The following KPTN variants were observed in gnomAD, a reference collection of about 807,000 sequenced individuals.
KPTN encodes the protein kaptin, actin binding protein, also known as KICSTOR complex protein kaptin.
A neutral mutation model predicts 52.6 loss-of-function variants in KPTN; 36 were observed. That is an observed-to-expected ratio of 0.68 (90% CI 0.52 to 0.90). The LOEUF is 0.90. Ranked by LOEUF, KPTN falls within the 40% of genes least tolerant of loss-of-function variation. KPTN has a pLI of 0.00. For synonymous variants in KPTN, 271 were observed against 248.4 expected, an observed-to-expected ratio of 1.09 and a Z score of -0.85; for missense variants, 529 against 576.2, an observed-to-expected ratio of 0.92 and a Z score of 0.84.
intron 8 of KPTN, 137 bp downstream of exon 8, chr19:47,479,726 G>A (rs757366752): frequency 7.6e-5 from 51 of 670,310 alleles, no homozygotes; most frequent in Admixed American, 1.1e-4. Context: ...GCCTGGAGTG[G>A]GGGATCCAGG....
intron 7 of KPTN, 31 bp from the exon 8 acceptor site, chr19:47,479,971 AC>A: frequency 6.4e-7 from 1 of 1,574,642 alleles, no homozygotes; most frequent in South Asian, 1.1e-5. Context: ...CAGAGCCCCA[AC>A]CCCACCCCGG....
Position 47,475,463 on chromosome 19 carries a change from A to G in KPTN, c.1264T>C (p.Leu422=). ...VEQRRRRLQG[L]EDGAGAGPAE... is the part of the protein sequence containing the mutation. Reference sequence around the variant, plus strand: ...GGCCCTGCACCTGCCCCGTCCTCCAACCCCTGTAGCCGACGTCTCCTCTGC... The same window carrying G: ...GGCCCTGCACCTGCCCCGTCCTCCAGCCCCTGTAGCCGACGTCTCCTCTGC... The change falls in exon 12 of 12, where the codon TTG becomes CTG. Residue 422 remains leucine (L), a synonymous_variant. Transcript: ENST00000338134. 6.2e-7 allele frequency: 1 copy of G among 1,613,424 alleles called. No homozygotes were observed. The highest frequency in any genetic ancestry group is 8.5e-7 in the Non-Finnish European group (1 of 1,179,566).
chr19:47,483,733 A>C (rs1342983747), intron 1 of KPTN, 149 bp from the exon 2 acceptor site: 1 of 900,662 alleles, frequency 1.1e-6, no homozygotes, highest in Non-Finnish European at 1.7e-6. Context: ...GGTACTAGGG[A>C]TCCTGACCTG....
At chr19:47,480,229 C>T (rs1967825789) in intron 7 of KPTN, 69 bp downstream of exon 7, 1 of 908,466 alleles carries the variant, frequency 1.1e-6, no homozygotes, top group East Asian at 2.9e-5. Flanking sequence ...CTCCAGCCCT[C>T]AGCCCCACCC....
chr19:47,481,407 C>T (rs1489067628), intron 4 of KPTN, among the ~76,000 whole-genome samples: 1 of 152,184 alleles, frequency 6.6e-6, no homozygotes, highest in Non-Finnish European at 1.5e-5. Context: ...GCTAGGACCT[C>T]TTCATTCTGA....
Position 47,476,922 on chromosome 19 carries a change from C to G in KPTN, c.880G>C (p.Gly294Arg). Residue 294 changes from glycine (G) to arginine (R), a missense_variant, in exon 10 of 12, where the codon GGT (glycine) becomes CGT (arginine). Transcript: ENST00000338134. ...GGCAGGAGAAGCTGGTCTTCAAGAC[C>G]CCGGTTCAGCAGGTCCCTGAGGGTC... is the stretch of plus-strand genomic sequence containing the variant. ...AVVYRDLLNR[G>R]LEDQLLLPGS... 6.4e-7 allele frequency: 1 copy of G among 1,557,384 alleles called. No homozygotes were observed.
At chr19:47,476,981 A>G in intron 9 of KPTN, 43 bp from the exon 10 acceptor site, 1 of 1,542,478 alleles carries the variant, frequency 6.5e-7, no homozygotes, top group Non-Finnish European at 8.8e-7. Context: ...GTCAGCTTGC[A>G]GTGCCCAGCA....
At position 47,480,862 on chromosome 19, in the gene KPTN, C is replaced by G. The variant is rs199781618; in HGVS notation, c.526-29G>C. 144 of 1,613,680 alleles carry G rather than the reference C, an allele frequency of 8.9e-5. No individual in the cohort carries two copies. The East Asian group carries it at 3.0e-3, about 34-fold the overall frequency. On this transcript the variant is annotated intron_variant, in intron 5 of 11. Coordinates refer to ENST00000338134, the MANE Select transcript of KPTN (RefSeq NM_007059.4). ...GGGAAACCAAGACCCACCCCACCCC[C>G]GCTTAAGTCAGCCGTCAGCTTCACA...
chr19:47,480,885 A>G (rs1431940856), intron 5 of KPTN, 52 bp from the exon 6 acceptor site: 1 of 1,611,606 alleles, frequency 6.2e-7, no homozygotes, highest in Non-Finnish European at 8.5e-7. Flanking sequence ...CGTCAGCTTC[A>G]CACATATACC....
At chr19:47,484,434 G>A (rs144786908), upstream of KPTN, 1,243 of 531,820 alleles carry the variant, frequency 2.3e-3, 18 homozygotes, top group African/African-American at 0.022. Context: ...GATGGGAGGT[G>A]GTGGCCACGG....
intron 8 of KPTN, 121 bp downstream of exon 8, chr19:47,479,742 G>C: frequency 1.4e-6 from 1 of 727,154 alleles, no homozygotes. Flanking sequence ...CCAGGAGAGA[G>C]GGACTGGGGT....
chr19:47,478,809 T>A (rs964382349), intron 8 of KPTN, among the ~76,000 whole-genome samples: 1 of 152,066 alleles, frequency 6.6e-6, no homozygotes, highest in Non-Finnish European at 1.5e-5. Context: ...AACCAAAAAA[T>A]GTATGTTCTC....
At chr19:47,478,567 TAAAAA>T (rs757744803) in intron 8 of KPTN, among the ~76,000 whole-genome samples, 5 of 66,234 alleles carry the variant, frequency 7.5e-5, no homozygotes, top group African/African-American at 1.5e-4. Context: ...AGACTCTGTC[TAAAAA>T]AAAAAAAAAA....
intron 9 of KPTN, 88 bp from the exon 10 acceptor site, chr19:47,477,026 C>G (rs1967695811): frequency 1.5e-6 from 2 of 1,372,550 alleles, no homozygotes; most frequent in Non-Finnish European, 2.0e-6. Flanking sequence ...ACCGGTACTG[C>G]TTCCCTTCTC....
Position 47,483,145 on chromosome 19 carries a change from C to G in KPTN, c.449+16G>C. On this transcript the variant is annotated intron_variant, in intron 4 of 11. Coordinates refer to ENST00000338134, the MANE Select transcript of KPTN (RefSeq NM_007059.4). ...ATTTACAGTGGAGTGGGCGTCGATGCGCAGGGGACACTCACTCCGCATGGC... is the reference window on the plus strand; with the variant it reads ...ATTTACAGTGGAGTGGGCGTCGATGGGCAGGGGACACTCACTCCGCATGGC... 1 of 1,612,746 alleles carries G rather than the reference C, an allele frequency of 6.2e-7. No homozygotes were observed.
In KPTN at chr19:47,479,922, G is replaced by A. The variant is rs1293594146; in HGVS notation, c.728C>T (p.Ser243Leu). The change falls in exon 8 of 12, where the codon TCG becomes TTG. Residue 243 changes from serine (S) to leucine (L), a missense_variant. Transcript: ENST00000338134. ...GGAGATGGGACCGTCCTGCAGGACC[G>A]ACCACATCTGCAGAACCTCTGCGTG... is the stretch of plus-strand genomic sequence containing the variant. ...QRSREVLQMW[S>L]VLQDGPISRV... is the part of the protein sequence containing the mutation. The A allele has an allele frequency of 7.4e-6, 12 of 1,612,956 alleles. No homozygotes were observed. The highest frequency in any genetic ancestry group is 9.3e-6 in the Non-Finnish European group (11 of 1,179,686).
At chr19:47,479,208 A>G (rs764767491) in intron 8 of KPTN, among the ~76,000 whole-genome samples, 8 of 152,072 alleles carry the variant, frequency 5.3e-5, no homozygotes, top group African/African-American at 7.2e-5. Flanking sequence ...ACGCTCCACT[A>G]ATTTTTGTAT....
At chr19:47,485,021 T>G (rs114169191), upstream of KPTN, among the ~76,000 whole-genome samples, 2,265 of 152,136 alleles carry the variant, frequency 0.015, 39 homozygotes, top group Middle Eastern at 0.054. Context: ...ATCTTAACAG[T>G]ATCACCTTTA....
Position 47,479,908 on chromosome 19 carries a change from C to G in KPTN, c.742G>C (p.Gly248Arg), listed in dbSNP as rs773728340. ...VLQMWSVLQD[G>R]PISRVIVFSL... ...AACACAATCACTCGGGAGATGGGAC[C>G]GTCCTGCAGGACCGACCACATCTGC... Residue 248 changes from glycine (G) to arginine (R), a missense_variant, in exon 8 of 12, where the codon GGT (glycine) becomes CGT (arginine). Physicochemically the swap from Gly to Arg is moderately radical, Grantham distance 125. Transcript: ENST00000338134. 4 of 1,612,834 alleles carry G rather than the reference C, an allele frequency of 2.5e-6. No individual in the cohort carries two copies. Among genetic ancestry groups the G allele is most frequent in the Non-Finnish European group, 3.4e-6 (4 of 1,179,342 alleles).
Sources: gnomAD v4.1 joint callset for allele counts (sites outside exome capture counted in the v4.1 genomes callset) on GRCh38, gnomAD v4.1.1 for gene constraint, MANE v1.5 for transcripts, NCBI Gene and HGNC (gene_info 2026-07-23, HGNC 2026-07-21) for gene names.